TPP2: variants seen among roughly 807,000 people sequenced by gnomAD.
The protein encoded by TPP2 is tripeptidyl-peptidase 2.
In TPP2, 34 loss-of-function variants were observed where a neutral mutation model predicts 155.9. The observed-to-expected ratio is 0.22, with a 90% CI of 0.17 to 0.29. The LOEUF (loss-of-function observed/expected upper bound fraction) is 0.29. TPP2 is among the 10% of genes least tolerant of loss of function. TPP2 has a pLI of 1.00. For synonymous variants in TPP2, 510 were observed against 529.4 expected, an observed-to-expected ratio of 0.96 and a Z score of 0.50; for missense variants, 1,028 against 1,522.3, an observed-to-expected ratio of 0.68 and a Z score of 5.40.
intron 23 of TPP2, 80 bp from the exon 24 acceptor site, chr13:102,651,277 GAA>G: frequency 4.7e-6 from 7 of 1,479,990 alleles, no homozygotes; most frequent in Non-Finnish European, 6.4e-6. Context: ...AACATAAACT[GAA>G]AGACAATTAG....
chr13:102,617,171 C>T (rs911488301), intron 4 of TPP2, among the ~76,000 whole-genome samples: 62 of 152,024 alleles, frequency 4.1e-4, no homozygotes, highest in Non-Finnish European at 1.2e-4. Context: ...ACCTTGGCCT[C>T]CCAAAGTGCT....
intron 1 of TPP2, among the ~76,000 whole-genome samples, chr13:102,600,251 C>T (rs1365324588): frequency 1.3e-5 from 2 of 152,156 alleles, no homozygotes; most frequent in East Asian, 1.9e-4. Flanking sequence ...TTTGCCAATA[C>T]ATGCCTTTAC....
At chr13:102,626,832 T>G in intron 6 of TPP2, 180 bp from the exon 7 acceptor site, 1 of 414,658 alleles carries the variant, frequency 2.4e-6, no homozygotes, top group East Asian at 3.7e-5. Flanking sequence ...GATATAAAGC[T>G]CTTTGTCAGC....
chr13:102,645,459 A>G (rs1376196070), intron 19 of TPP2, among the ~76,000 whole-genome samples: 1 of 152,198 alleles, frequency 6.6e-6, no homozygotes, highest in East Asian at 1.9e-4. Context: ...CTGTGTTCAC[A>G]TACTCACTGT....
At chr13:102,652,782 C>T (rs1299916498) in intron 24 of TPP2, among the ~76,000 whole-genome samples, 1 of 151,924 alleles carries the variant, frequency 6.6e-6, no homozygotes, top group East Asian at 1.9e-4. Context: ...TTGGGGGCCA[C>T]GTAATGGGAT....
At chr13:102,619,445 A>AAAC (rs1052875117) in intron 5 of TPP2, among the ~76,000 whole-genome samples, 1 of 151,798 alleles carries the variant, frequency 6.6e-6, no homozygotes, top group Non-Finnish European at 1.5e-5. Flanking sequence ...TGCAAAAAAA[A>AAAC]AACAAACAAA....
chr13:102,669,271 AT>A, intron 27 of TPP2, among the ~76,000 whole-genome samples: 1 of 152,012 alleles, frequency 6.6e-6, no homozygotes, highest in Non-Finnish European at 1.5e-5. Context: ...TTCTGAGCAT[AT>A]TTTTAAGGGT....
At chr13:102,667,776 C>A in intron 27 of TPP2, 1 of 985,476 alleles carries the variant, frequency 1.0e-6, no homozygotes, top group African/African-American at 1.7e-5. Context: ...CTGATTTCTG[C>A]ATCATTCCAG....
At chr13:102,615,942 G>T (rs1287276572) in intron 3 of TPP2, among the ~76,000 whole-genome samples, 4 of 150,730 alleles carry the variant, frequency 2.7e-5, no homozygotes, top group Non-Finnish European at 5.9e-5. Flanking sequence ...GGCTTTATCT[G>T]CTTCATTAGA....
At chr13:102,630,319 T>C in intron 10 of TPP2, 124 bp downstream of exon 10, 1 of 632,806 alleles carries the variant, frequency 1.6e-6, no homozygotes, top group South Asian at 2.6e-5. Context: ...TTTTTCAGTA[T>C]TTTCATTTTG....
intron 1 of TPP2, among the ~76,000 whole-genome samples, chr13:102,604,536 A>G (rs1156781566): frequency 6.6e-6 from 1 of 152,182 alleles, no homozygotes; most frequent in African/African-American, 2.4e-5. Context: ...CACCTAAAAT[A>G]GGGTGTGGTC....
intron 16 of TPP2, among the ~76,000 whole-genome samples, chr13:102,642,800 G>A (rs1882855150): frequency 6.6e-6 from 1 of 152,190 alleles, no homozygotes; most frequent in Non-Finnish European, 1.5e-5. Context: ...AGTTATCAAT[G>A]AGGAATTGAG....
intron 3 of TPP2, among the ~76,000 whole-genome samples, chr13:102,615,929 C>T (rs1289842666): frequency 6.6e-6 from 1 of 151,908 alleles, no homozygotes; most frequent in African/African-American, 2.4e-5. Flanking sequence ...GTAAGTGATC[C>T]ATGGCTTTAT....
Position 102,666,766 on chromosome 13 carries a change from C to CTTTTTTTTTTTTTTTTTTT in TPP2, c.3371+1848_3371+1866dup. Among the ~76,000 whole-genome samples the CTTTTTTTTTTTTTTTTTTT allele has an allele frequency of 7.4e-4, 41 of 55,738 alleles. 1 individual carries two copies. Among genetic ancestry groups the CTTTTTTTTTTTTTTTTTTT allele is most frequent in the East Asian group, 2.1e-3 (3 of 1,456 alleles). The allele number at this position is 55,738 out of a possible 152,430, so 36.6% of individuals were successfully genotyped here. A position where few individuals can be genotyped will look rare whatever the true frequency, so the allele number is the denominator to read the frequency against. On this transcript the variant is annotated intron_variant, in intron 27 of 29. Coordinates refer to ENST00000376052, the MANE Select transcript of TPP2 (RefSeq NM_001330588.2). Reference sequence around the variant, plus strand: ...TGGTCTTTATCACTGTTTTTAATCTCTTTTTTTTTTTTTTTTTTTTTTTTT... The same window carrying CTTTTTTTTTTTTTTTTTTT: ...TGGTCTTTATCACTGTTTTTAATCTCTTTTTTTTTTTTTTTTTTTTTTTTTTTTTTTTTTTTTTTTTTTT...
At position 102,664,915 on chromosome 13, in the gene TPP2, A is replaced by G. The variant is rs758472813; in HGVS notation, c.3361A>G (p.Thr1121Ala). The G allele has an allele frequency of 2.8e-5, 45 of 1,611,778 alleles. No homozygotes were observed. Among genetic ancestry groups the G allele is most frequent in the South Asian group, 1.7e-4 (15 of 90,284 alleles). The change falls in exon 27 of 30, where the codon ACT (threonine) becomes GCT (alanine). Residue 1121 changes from threonine (T) to alanine (A), a missense_variant. Physicochemically the swap from Thr to Ala is moderately conservative, Grantham distance 58 (BLOSUM62 0). This residue lies in a region of TPP2 where 116 missense variants were observed against 117.3 expected (regional missense o/e 0.99). Transcript: ENST00000376052. The part of the protein sequence containing the change: ...MKTDPRPDAA[T>A]IKNDMDKQKS... ...GACTGATCCCAGGCCTGATGCAGCT[A>G]CTATAAAAAAGTACCTAACCAGTAA... is the stretch of plus-strand genomic sequence containing the variant.
chr13:102,667,052 A>G (rs1884654340), intron 27 of TPP2, among the ~76,000 whole-genome samples: 1 of 152,148 alleles, frequency 6.6e-6, no homozygotes, highest in Admixed American at 6.5e-5. Flanking sequence ...GAGTTGAAAT[A>G]TTATACAAGA....
In TPP2 at chr13:102,678,382, T is replaced by C. The variant is rs961326148; in HGVS notation, c.*66T>C. The C allele has an allele frequency of 4.2e-6, 6 of 1,438,032 alleles. No individual in the cohort carries two copies. The highest frequency in any genetic ancestry group is 2.3e-5 in the East Asian group (1 of 43,284). The allele number at this position is 1,438,032 out of a possible 1,614,324, so 89.1% of individuals were successfully genotyped here. ...ATAGTGAATGGGTATAAAAACAAATTTGTGGCATTTTTAGTCTAATGCATG... is the reference window on the plus strand; with the variant it reads ...ATAGTGAATGGGTATAAAAACAAATCTGTGGCATTTTTAGTCTAATGCATG... On this transcript the variant is annotated 3_prime_UTR_variant, in exon 30 of 30. Coordinates refer to ENST00000376052, the MANE Select transcript of TPP2 (RefSeq NM_001330588.2).
Position 102,676,301 on chromosome 13 carries a change from G to A in TPP2, c.3585G>A (p.Leu1195=). ...TATCATGTTTTACATTGTAGGTTTT[G>A]ACATTTGCATATAAACATGCATTAG... ...KWTDLFDNKV[L]TFAYKHALVN... The change falls in exon 29 of 30, where the codon TTG becomes TTA. Residue 1195 remains leucine, a synonymous_variant. Coordinates refer to ENST00000376052, the MANE Select transcript of TPP2 (RefSeq NM_001330588.2). 6.3e-7 allele frequency: 1 copy of A among 1,596,468 alleles called. No homozygotes were observed. The highest frequency in any genetic ancestry group is 2.2e-5 in the East Asian group (1 of 44,506).
intron 2 of TPP2, among the ~76,000 whole-genome samples, chr13:102,607,430 A>T (rs571694906): frequency 6.6e-6 from 1 of 152,316 alleles, no homozygotes; most frequent in Admixed American, 6.5e-5. Context: ...ATTACTCTAG[A>T]GTTTGGCCTG....
Sources: allele counts gnomAD v4.1 joint callset (sites outside exome capture counted in the v4.1 genomes callset), GRCh38; gene constraint gnomAD v4.1.1; regional missense constraint gnomAD v4.1.1; transcripts MANE v1.5; gene names NCBI Gene and HGNC (gene_info 2026-07-23, HGNC 2026-07-21).